HS3ST3A1: variants seen among roughly 807,000 people sequenced by gnomAD.
The protein encoded by HS3ST3A1 is heparan sulfate glucosamine 3-O-sulfotransferase 3A1.
In HS3ST3A1, 19 loss-of-function variants were observed where a neutral mutation model predicts 25.7. The ratio of observed to expected loss-of-function variants is 0.74; its 90% CI spans 0.52 to 1.08. HS3ST3A1 has a LOEUF of 1.08. HS3ST3A1 is among the 50% of genes least tolerant of loss of function. HS3ST3A1 has a pLI of 0.00. For synonymous variants in HS3ST3A1, 226 were observed against 278.6 expected, an observed-to-expected ratio of 0.81 and a Z score of 1.88; for missense variants, 459 against 594.3, an observed-to-expected ratio of 0.77 and a Z score of 2.37.
At chr17:13,591,366 C>T (rs2142392717) in intron 1 of HS3ST3A1, among the ~76,000 whole-genome samples, 1 of 152,156 alleles carries the variant, frequency 6.6e-6, no homozygotes, top group African/African-American at 2.4e-5. Flanking sequence ...TTTCTGACAA[C>T]ATATTGGCTT....
Position 13,525,490 on chromosome 17 carries a change from C to T in HS3ST3A1, c.600-28672G>A, listed in dbSNP as rs116028243. 7.7e-3 allele frequency among the ~76,000 whole-genome samples: 1,175 copies of T among 152,036 alleles called. 23 individuals are homozygous for T. Among genetic ancestry groups the T allele is most frequent in the African/African-American group, 0.026 (1,093 of 41,460 alleles). ...ATGTTGTTGTTTTCCCTTGATTAAA[C>T]TTTTCTCCTTGGAATCAGGATACAT... is the stretch of plus-strand genomic sequence containing the variant. On this transcript the variant is annotated intron_variant, in intron 1 of 1. Coordinates refer to ENST00000284110, the MANE Select transcript of HS3ST3A1 (RefSeq NM_006042.3).
At chr17:13,513,510 C>G (rs1467310459) in intron 1 of HS3ST3A1, among the ~76,000 whole-genome samples, 10 of 152,194 alleles carry the variant, frequency 6.6e-5, no homozygotes, top group Admixed American at 6.5e-4. Flanking sequence ...AACCACCGCT[C>G]CGATATAGCA....
chr17:13,530,296 GAAA>G (rs977174712), intron 1 of HS3ST3A1, among the ~76,000 whole-genome samples: 10 of 152,160 alleles, frequency 6.6e-5, no homozygotes, highest in African/African-American at 1.9e-4. Flanking sequence ...AGGATATCCA[GAAA>G]AGATGGTGAC....
Position 13,553,382 on chromosome 17 carries a change from CCA to C in HS3ST3A1, c.599+47147_599+47148del, listed in dbSNP as rs564502535. 4.1e-3 allele frequency among the ~76,000 whole-genome samples: 630 copies of C among 152,206 alleles called. 6 individuals carry two copies. Among genetic ancestry groups the C allele is most frequent in the African/African-American group, 0.014 (589 of 41,524 alleles). On this transcript the variant is annotated intron_variant, in intron 1 of 1. Coordinates refer to ENST00000284110, the MANE Select transcript of HS3ST3A1 (RefSeq NM_006042.3). ...GGAGTGGGTCTTGTGGCTGCATTCA[CCA>C]ATGGTTTAAGCCAGAAGCCATCATT...
chr17:13,525,032 C>T (rs559866942), intron 1 of HS3ST3A1, among the ~76,000 whole-genome samples: 1 of 152,168 alleles, frequency 6.6e-6, no homozygotes, highest in South Asian at 2.1e-4. Context: ...TTTGTTACCC[C>T]AGCTTGCTTT....
chr17:13,587,230 C>A (rs764716546), intron 1 of HS3ST3A1, among the ~76,000 whole-genome samples: 2 of 151,820 alleles, frequency 1.3e-5, no homozygotes, highest in African/African-American at 2.4e-5. Flanking sequence ...CTGAGGTGGG[C>A]GGATCACGAG....
chr17:13,551,629 G>A (rs1366953946), intron 1 of HS3ST3A1, among the ~76,000 whole-genome samples: 1 of 148,948 alleles, frequency 6.7e-6, no homozygotes. Flanking sequence ...AAAAAAAGGG[G>A]GGGGGGTATT....
chr17:13,531,072 CCATGTATTG>C (rs777299666), intron 1 of HS3ST3A1, among the ~76,000 whole-genome samples: 2 of 151,604 alleles, frequency 1.3e-5, no homozygotes, highest in African/African-American at 2.4e-5. Context: ...TCAAGAGAAT[CCATGTATTG>C]CATGAGCTTA....
chr17:13,536,816 C>A (rs1906783872), intron 1 of HS3ST3A1, among the ~76,000 whole-genome samples: 1 of 152,164 alleles, frequency 6.6e-6, no homozygotes, highest in African/African-American at 2.4e-5. Flanking sequence ...GTTTAATGCA[C>A]TGACACTGCA....
chr17:13,589,899 CCA>C (rs2094312194), intron 1 of HS3ST3A1, among the ~76,000 whole-genome samples: 1 of 152,150 alleles, frequency 6.6e-6, no homozygotes, highest in African/African-American at 2.4e-5. Context: ...TAATGAGAAT[CCA>C]CAGAGATTTA....
chr17:13,547,134 A>C (rs1907114082), intron 1 of HS3ST3A1, among the ~76,000 whole-genome samples: 1 of 152,120 alleles, frequency 6.6e-6, no homozygotes, highest in Non-Finnish European at 1.5e-5. Flanking sequence ...CATTCACCTC[A>C]AGGGAAGAAA....
intron 1 of HS3ST3A1, among the ~76,000 whole-genome samples, chr17:13,585,186 C>CTTTTTTTTTTTTTTTATTTTTTTTTTT (rs1908220135): frequency 3.0e-5 from 1 of 33,234 alleles, no homozygotes; most frequent in Non-Finnish European, 5.2e-5. Flanking sequence ...TTTTTCTGTG[C>CTTTTTTTTTTTTTTTATTTTTTTTTTT]TTTTTTTTTT....
rs1905231390 is a variant in HS3ST3A1 at position 13,495,104 on chromosome 17, AT to A, written c.*1092del. Reference sequence around the variant, plus strand: ...TAAAAAGAGGTAAACTAAAAAACAAATGAGACTCATACCTGTAAGTGCTAAT... The same window carrying A: ...TAAAAAGAGGTAAACTAAAAAACAAAGAGACTCATACCTGTAAGTGCTAAT... On this transcript the variant is annotated 3_prime_UTR_variant, in exon 2 of 2. Coordinates refer to ENST00000284110, the MANE Select transcript of HS3ST3A1 (RefSeq NM_006042.3). Among the ~76,000 whole-genome samples, 1 of 152,142 alleles carries A rather than the reference AT, an allele frequency of 6.6e-6. No homozygotes were observed. Among genetic ancestry groups the A allele is most frequent in the African/African-American group, 2.4e-5 (1 of 41,432 alleles).
chr17:13,567,370 G>GT (rs1478325482), intron 1 of HS3ST3A1, among the ~76,000 whole-genome samples: 1 of 152,166 alleles, frequency 6.6e-6, no homozygotes, highest in Non-Finnish European at 1.5e-5. Context: ...GATGAATGTT[G>GT]TTTTTTATAA....
chr17:13,514,595 G>A (rs1430062387), intron 1 of HS3ST3A1, among the ~76,000 whole-genome samples: 1 of 152,104 alleles, frequency 6.6e-6, no homozygotes, highest in Non-Finnish European at 1.5e-5. Context: ...TTTAATTATT[G>A]CAATTTGGCT....
At chr17:13,563,663 A>G (rs1291263406) in intron 1 of HS3ST3A1, among the ~76,000 whole-genome samples, 1 of 152,160 alleles carries the variant, frequency 6.6e-6, no homozygotes, top group Non-Finnish European at 1.5e-5. Flanking sequence ...CACTAAGTCA[A>G]TGGAGTTCAG....
At chr17:13,525,085 A>ATGG (rs754801823) in intron 1 of HS3ST3A1, among the ~76,000 whole-genome samples, 2 of 151,906 alleles carry the variant, frequency 1.3e-5, no homozygotes, top group African/African-American at 2.4e-5. Context: ...TGTATGTATG[A>ATGG]GTGTGTCTGC....
chr17:13,596,155 A>G (rs1333137144), intron 1 of HS3ST3A1, among the ~76,000 whole-genome samples: 1 of 152,186 alleles, frequency 6.6e-6, no homozygotes, highest in Non-Finnish European at 1.5e-5. Context: ...CACATAAAGT[A>G]TAAGAGCGTA....
At chr17:13,565,129 C>A (rs958961657) in intron 1 of HS3ST3A1, among the ~76,000 whole-genome samples, 1 of 130,332 alleles carries the variant, frequency 7.7e-6, no homozygotes, top group Non-Finnish European at 1.7e-5. Context: ...TTTATTGAAT[C>A]CCTTTCCAGT....
Sources: allele counts gnomAD v4.1 joint callset (sites outside exome capture counted in the v4.1 genomes callset), GRCh38; gene constraint gnomAD v4.1.1; transcripts MANE v1.5; gene names NCBI Gene and HGNC (gene_info 2026-07-23, HGNC 2026-07-21).